Variants in TSSK4 observed in about 807,000 individuals in gnomAD.
TSSK4 encodes testis-specific serine/threonine-protein kinase 4.
A neutral mutation model predicts 28.5 loss-of-function variants in TSSK4; 22 were observed. The ratio of observed to expected loss-of-function variants is 0.77; its 90% CI spans 0.55 to 1.10. The LOEUF is 1.10. Ranked by LOEUF, TSSK4 falls within the 50% of genes least tolerant of loss-of-function variation. The pLI, the probability that TSSK4 is intolerant of heterozygous loss-of-function variation, is 0.00. For synonymous variants in TSSK4, 151 were observed against 158.3 expected (o/e 0.95, Z 0.35); for missense variants, 329 against 415.4 (o/e 0.79, Z 1.81).
chr14:24,206,158 G>A lies in TSSK4; in HGVS notation c.225+10G>A, dbSNP rs141363891. 3 of 1,613,428 alleles carry A rather than the reference G, an allele frequency of 1.9e-6. No homozygotes were observed. The highest frequency in any genetic ancestry group is 1.7e-4 in the Middle Eastern group (1 of 6,056). On this transcript the variant is annotated intron_variant, in intron 1 of 3. Coordinates refer to ENST00000339917, the MANE Select transcript of TSSK4 (RefSeq NM_001184739.2). ...GCCCCGTGAAATACAGGTTGGAAAG[G>A]GGGCTGGAAGAGGGAACTGGAGCTT...
Position 24,206,036 on chromosome 14 carries a change from C to T in TSSK4, c.113C>T (p.Ser38Leu), listed in dbSNP as rs201368541. The stretch of plus-strand genomic sequence containing the variant: ...GCCATTGGCCATGGCTCCTATGGGT[C>T]GGTATATGAGGCTTTCTACACAAAG... ...GKAIGHGSYG[S>L]VYEAFYTKQK... Residue 38 changes from serine (S) to leucine (L), a missense_variant, in exon 1 of 4, where the codon TCG becomes TTG. Coordinates refer to ENST00000339917, the MANE Select transcript of TSSK4 (RefSeq NM_001184739.2). 1.0e-4 allele frequency: 168 copies of T among 1,613,982 alleles called. No homozygotes were observed. The highest frequency in any genetic ancestry group is 1.7e-4 in the Admixed American group (10 of 60,002).
At chr14:24,207,052 C>T in intron 2 of TSSK4, 64 bp from the exon 3 acceptor site, 1 of 1,593,582 alleles carries the variant, frequency 6.3e-7, no homozygotes, top group Non-Finnish European at 8.5e-7. Flanking sequence ...TTCCTCTGTC[C>T]TCATCTTTAC....
chr14:24,207,184 A>G lies in TSSK4; in HGVS notation c.509A>G (p.Glu170Gly). The change falls in exon 3 of 4, where the codon GAG becomes GGG. Residue 170 changes from glutamate (E) to glycine (G), a missense_variant. By Grantham distance (98) the Glu-to-Gly change is moderately conservative. Around this residue, in one of 3 missense-constraint regions of TSSK4, gnomAD observed 15 missense variants for 41.2 expected, o/e 0.36. Coordinates refer to ENST00000339917, the MANE Select transcript of TSSK4 (RefSeq NM_001184739.2). ...KLENLLLDKW[E>G]NVKISDFGFA... ...GAGAACCTGTTGCTGGACAAGTGGG[A>G]GAATGTGAAGATATCAGACTTTGGC... The G allele has an allele frequency of 6.2e-7, 1 of 1,613,920 alleles. No homozygotes were observed. Among genetic ancestry groups the G allele is most frequent in the Non-Finnish European group, 8.5e-7 (1 of 1,180,038 alleles).
chr14:24,206,487 TG>T (rs2039518746), intron 1 of TSSK4, 21 bp from the exon 2 acceptor site: 1 of 1,613,694 alleles, frequency 6.2e-7, no homozygotes, highest in Non-Finnish European at 8.5e-7. Flanking sequence ...CCAGGTTTGA[TG>T]GGTCCTTCTT....
chr14:24,205,939 G>A lies in TSSK4; in HGVS notation c.16G>A (p.Val6Ile). Reference sequence around the variant, plus strand: ...GCCCAACACCATGGGGAAGGGAGATGTCTTAGAGGCAGCACCAACCACCAC... The same window carrying A: ...GCCCAACACCATGGGGAAGGGAGATATCTTAGAGGCAGCACCAACCACCAC... MGKGD[V>I]LEAAPTTTAY... The change falls in exon 1 of 4, where the codon GTC (valine) becomes ATC (isoleucine). Residue 6 changes from valine to isoleucine, a missense_variant. Coordinates refer to ENST00000339917, the MANE Select transcript of TSSK4 (RefSeq NM_001184739.2). 8.1e-6 allele frequency: 13 copies of A among 1,613,916 alleles called. No homozygotes were observed. The highest frequency in any genetic ancestry group is 1.3e-5 in the African/African-American group (1 of 75,040).
chr14:24,206,682 C>G lies in TSSK4; in HGVS notation c.399C>G (p.Thr133=), dbSNP rs1407657346. The change falls in exon 2 of 4, where the codon ACC becomes ACG. Residue 133 remains threonine, a synonymous_variant. Transcript: ENST00000339917. ...PLAGKWFSQL[T]LGIAYLHSKS... ...CTGGCAAGTGGTTCTCCCAGCTGAC[C>G]CTGGGCATTGCCTACCTGCACAGCA... is the stretch of plus-strand genomic sequence containing the variant. The G allele has an allele frequency of 1.9e-6, 3 of 1,614,038 alleles. No individual in the cohort carries two copies. The highest frequency in any genetic ancestry group is 2.5e-6 in the Non-Finnish European group (3 of 1,180,032).
Position 24,205,979 on chromosome 14 carries a change from T to C in TSSK4, c.56T>C (p.Leu19Pro). The C allele has an allele frequency of 6.2e-7, 1 of 1,614,196 alleles. No homozygotes were observed. Among genetic ancestry groups the C allele is most frequent in the Non-Finnish European group, 8.5e-7 (1 of 1,180,038 alleles). ...CCAACCACCACAGCCTACCATTCCC[T>C]CATGGATGAATATGGTTATGAGGTG... ...AAPTTTAYHS[L>P]MDEYGYEVGK... Residue 19 changes from leucine (L) to proline (P), a missense_variant, in exon 1 of 4, where the codon CTC (leucine) becomes CCC (proline). This residue lies in a region of TSSK4 where 175 missense variants were observed against 196.0 expected (regional missense o/e 0.89). Transcript: ENST00000339917.
intron 2 of TSSK4, 67 bp downstream of exon 2, chr14:24,206,790 C>T: frequency 1.9e-6 from 3 of 1,554,924 alleles, no homozygotes; most frequent in Non-Finnish European, 2.6e-6. Context: ...TCTCCCATTT[C>T]CTGTCCTTTT....
chr14:24,207,068 GA>G, intron 2 of TSSK4, 47 bp from the exon 3 acceptor site: 1 of 1,599,008 alleles, frequency 6.3e-7, no homozygotes, highest in Non-Finnish European at 8.5e-7. Context: ...TTTACCCTCT[GA>G]CCCCTGGCCC....
chr14:24,206,533 T>A lies in TSSK4; in HGVS notation c.250T>A (p.Tyr84Asn). The A allele has an allele frequency of 6.2e-7, 1 of 1,614,192 alleles. No homozygotes were observed. Among genetic ancestry groups the A allele is most frequent in the Middle Eastern group, 1.6e-4 (1 of 6,062 alleles). Residue 84 changes from tyrosine to asparagine, a missense_variant, in exon 2 of 4, where the codon TAC becomes AAC. Transcript: ENST00000339917. ...IQVMKVLRHKYLINFYRAIES... is the reference protein window; with the variant it reads ...IQVMKVLRHKNLINFYRAIES... ...GGTAATGAAAGTCTTGCGGCACAAG[T>A]ACCTCATCAACTTCTATCGGGCCAT...
Position 24,206,539 on chromosome 14 carries a change from A to T in TSSK4, c.256A>T (p.Ile86Phe). ...VMKVLRHKYL[I>F]NFYRAIESTS... is the part of the protein sequence containing the mutation. ...GAAAGTCTTGCGGCACAAGTACCTCATCAACTTCTATCGGGCCATTGAGAG... is the reference window on the plus strand; with the variant it reads ...GAAAGTCTTGCGGCACAAGTACCTCTTCAACTTCTATCGGGCCATTGAGAG... Residue 86 changes from isoleucine (I) to phenylalanine (F), a missense_variant, in exon 2 of 4, where the codon ATC becomes TTC. Physicochemically the swap from Ile to Phe is conservative, Grantham distance 21. Transcript: ENST00000339917. 1 of 1,614,194 alleles carries T rather than the reference A, an allele frequency of 6.2e-7. No homozygotes were observed. The highest frequency in any genetic ancestry group is 1.3e-5 in the African/African-American group (1 of 75,050).
chr14:24,206,847 C>T, intron 2 of TSSK4, 124 bp downstream of exon 2: 1 of 1,089,010 alleles, frequency 9.2e-7, no homozygotes, highest in South Asian at 1.4e-5. Context: ...TTCATGCACT[C>T]TATTTTAATC....
rs1412302812 is a variant in TSSK4 at position 24,206,145 on chromosome 14, A to G, written c.222A>G (p.Ile74Met). 1 of 1,614,044 alleles carries G rather than the reference A, an allele frequency of 6.2e-7. No individual in the cohort carries two copies. The highest frequency in any genetic ancestry group is 1.7e-5 in the Admixed American group (1 of 60,004). ...DYLNKFLPRE[I>M]QVMKVLRHKY... ...TTAACAAGTTCCTGCCCCGTGAAATACAGGTTGGAAAGGGGGCTGGAAGAG... is the reference window on the plus strand; with the variant it reads ...TTAACAAGTTCCTGCCCCGTGAAATGCAGGTTGGAAAGGGGGCTGGAAGAG... Residue 74 changes from isoleucine to methionine, a missense_variant, in exon 1 of 4, where the codon ATA (isoleucine) becomes ATG (methionine). By Grantham distance (10) the Ile-to-Met change is conservative. Coordinates refer to ENST00000339917, the MANE Select transcript of TSSK4 (RefSeq NM_001184739.2).
Position 24,206,557 on chromosome 14 carries a change from A to G in TSSK4, c.274A>G (p.Ile92Val), listed in dbSNP as rs753653054. The G allele has an allele frequency of 4.3e-6, 7 of 1,614,204 alleles. No individual in the cohort carries two copies. The highest frequency in any genetic ancestry group is 4.2e-6 in the Non-Finnish European group (5 of 1,180,032). The part of the protein sequence containing the change: ...HKYLINFYRA[I>V]ESTSRVYIIL... Reference sequence around the variant, plus strand: ...GTACCTCATCAACTTCTATCGGGCCATTGAGAGCACATCTCGAGTATACAT... The same window carrying G: ...GTACCTCATCAACTTCTATCGGGCCGTTGAGAGCACATCTCGAGTATACAT... Residue 92 changes from isoleucine to valine, a missense_variant, in exon 2 of 4, where the codon ATT (isoleucine) becomes GTT (valine). Coordinates refer to ENST00000339917, the MANE Select transcript of TSSK4 (RefSeq NM_001184739.2).
rs755251238 is a variant in TSSK4, at chr14:24,205,738, T to C, written c.-186T>C. Reference sequence around the variant, plus strand: ...TGGAGACAAAAAGAACTGCTTCTCTTTCTTTCCCCCTCCAAGTTCCTAGTG... The same window carrying C: ...TGGAGACAAAAAGAACTGCTTCTCTCTCTTTCCCCCTCCAAGTTCCTAGTG... On this transcript the variant is annotated 5_prime_UTR_variant, in exon 1 of 4. Coordinates refer to ENST00000339917, the MANE Select transcript of TSSK4 (RefSeq NM_001184739.2). The C allele has an allele frequency of 1.2e-5, 7 of 592,948 alleles. No homozygotes were observed. Among genetic ancestry groups the C allele is most frequent in the Admixed American group, 3.0e-5 (1 of 33,786 alleles). 36.7% of individuals were successfully genotyped at this position (592,948 alleles called of 1,614,324 possible).
intron 1 of TSSK4, 79 bp downstream of exon 1, chr14:24,206,227 A>T: frequency 7.3e-7 from 1 of 1,365,664 alleles, no homozygotes; most frequent in Non-Finnish European, 1.0e-6. Flanking sequence ...TATGGCCAGG[A>T]GGGGTGGGGC....
At chr14:24,206,313 A>G (rs767139177) in intron 1 of TSSK4, among the ~76,000 whole-genome samples, 165 bp downstream of exon 1, 8 of 152,218 alleles carry the variant, frequency 5.3e-5, no homozygotes, top group Non-Finnish European at 7.3e-5. Flanking sequence ...CCTCTTTCCC[A>G]TCCACCCACT....
In TSSK4 at chr14:24,205,811, A is replaced by G; in HGVS notation, c.-113A>G. On this transcript the variant is annotated 5_prime_UTR_variant, in exon 1 of 4. Coordinates refer to ENST00000339917, the MANE Select transcript of TSSK4 (RefSeq NM_001184739.2). The stretch of plus-strand genomic sequence containing the variant: ...GACTCGTGTGACTATATAGGCAAGC[A>G]TTTGGGGACCTACTTCACTTTGATA... 1.3e-6 allele frequency: 1 copy of G among 751,806 alleles called. No homozygotes were observed. The highest frequency in any genetic ancestry group is 2.2e-5 in the Admixed American group (1 of 45,388). The allele number at this position is 751,806 out of a possible 1,614,324, so 46.6% of individuals were successfully genotyped here. A position where few individuals can be genotyped will look rare whatever the true frequency, so the allele number is the denominator to read the frequency against.
chr14:24,208,113 T>C lies in TSSK4; in HGVS notation c.984T>C (p.Thr328=). The C allele has an allele frequency of 6.2e-7, 1 of 1,612,070 alleles. No homozygotes were observed. Among genetic ancestry groups the C allele is most frequent in the Non-Finnish European group, 8.5e-7 (1 of 1,178,444 alleles). Residue 328 remains threonine, a synonymous_variant, in exon 4 of 4, where the codon ACT becomes ACC. Transcript: ENST00000339917. ...CCATGTGCCAGCTCCACAACACCACTAAACAGCACCAATCCTTGCAAATTA... is the reference window on the plus strand; with the variant it reads ...CCATGTGCCAGCTCCACAACACCACCAAACAGCACCAATCCTTGCAAATTA... ...LEAMCQLHNT[T]KQHQSLQITT is the part of the protein sequence containing the mutation.
Sources: allele counts gnomAD v4.1 joint callset (sites outside exome capture counted in the v4.1 genomes callset), GRCh38; gene constraint gnomAD v4.1.1; regional missense constraint gnomAD v4.1.1; transcripts MANE v1.5; gene names NCBI Gene and HGNC (gene_info 2026-07-23, HGNC 2026-07-21).